CEP128: variants seen among roughly 807,000 people sequenced by gnomAD.
CEP128 encodes the protein centrosomal protein 128, also known as centrosomal protein 128kDa.
In CEP128, 132 loss-of-function variants were observed where a neutral mutation model predicts 156.7. That is an observed-to-expected ratio of 0.84 (90% confidence interval 0.73 to 0.97). CEP128 has a LOEUF of 0.97. Ranked by LOEUF, CEP128 falls within the 50% of genes least tolerant of loss-of-function variation. The probability of loss-of-function intolerance (pLI) is 0.00; values close to 1 mark genes in which losing one functional copy is unlikely to be tolerated. For missense variants in CEP128, 1,252 were observed against 1,281.9 expected, an observed-to-expected ratio of 0.98 and a Z score of 0.36; for synonymous variants, 469 against 448.9, an observed-to-expected ratio of 1.04 and a Z score of -0.57.
At chr14:80,796,114 G>C (rs1298449234) in intron 13 of CEP128, among the ~76,000 whole-genome samples, 2 of 151,986 alleles carry the variant, frequency 1.3e-5, no homozygotes, top group Non-Finnish European at 2.9e-5. Context: ...AGTTCACTTG[G>C]TTCACTACAT....
chr14:80,904,812 C>T lies in CEP128; in HGVS notation c.480+1G>A. The stretch of plus-strand genomic sequence containing the variant: ...ACAAATTACAGAATGGTACAAAGTA[C>T]CTGAGTCATATCATCAGTCTCTTGA... On this transcript the variant is annotated splice_donor_variant, in intron 6 of 24. Coordinates refer to ENST00000555265, the MANE Select transcript of CEP128 (RefSeq NM_152446.5). LOFTEE classifies it high-confidence loss of function. 6.8e-7 allele frequency: 1 copy of T among 1,475,534 alleles called. No individual in the cohort carries two copies. The highest frequency in any genetic ancestry group is 1.1e-5 in the South Asian group (1 of 88,288). 91.4% of individuals were successfully genotyped at this position (1,475,534 alleles called of 1,614,324 possible).
chr14:80,777,683 C>T (rs1322306839), intron 16 of CEP128, among the ~76,000 whole-genome samples, 199 bp downstream of exon 16: 1 of 152,050 alleles, frequency 6.6e-6, no homozygotes, highest in African/African-American at 2.4e-5. Context: ...AATTCTTACC[C>T]TTCAAATGTA....
rs1486625135 is a variant in CEP128 at position 80,785,117 on chromosome 14, C to T, written c.1989G>A (p.Lys663=). ...CCTGTGCAGTGAGGTCAGAAAGGTC[C>T]TTAAGCACTGCTTTCTTGGCTCTCT... ...EEERAKKAVL[K]DLSDLTAQAK... is the part of the protein sequence containing the mutation. Residue 663 remains lysine (K), a synonymous_variant, in exon 15 of 25, where the codon AAG becomes AAA. Transcript: ENST00000555265. The T allele has an allele frequency of 6.2e-7, 1 of 1,614,146 alleles. No individual in the cohort carries two copies. The highest frequency in any genetic ancestry group is 1.1e-5 in the South Asian group (1 of 91,082).
At chr14:80,794,457 G>C (rs1213571882) in intron 13 of CEP128, among the ~76,000 whole-genome samples, 1 of 152,146 alleles carries the variant, frequency 6.6e-6, no homozygotes, top group African/African-American at 2.4e-5. Flanking sequence ...CTGTGTACTT[G>C]TGTGTGTAGA....
chr14:80,724,914 CTATT>C (rs1897954901), intron 19 of CEP128, among the ~76,000 whole-genome samples: 1 of 148,644 alleles, frequency 6.7e-6, no homozygotes, highest in African/African-American at 2.5e-5. Flanking sequence ...AACTAAACAA[CTATT>C]TATTGGGCAC....
chr14:80,899,441 T>C (rs1276218072), intron 7 of CEP128, among the ~76,000 whole-genome samples: 1 of 152,194 alleles, frequency 6.6e-6, no homozygotes, highest in African/African-American at 2.4e-5. Context: ...ATAACAGCTA[T>C]TGGGGACTAT....
chr14:80,831,240 T>G lies in CEP128; in HGVS notation c.1112A>C (p.Gln371Pro), dbSNP rs185240818. The G allele has an allele frequency of 1.2e-5, 19 of 1,614,074 alleles. No individual in the cohort carries two copies. Among genetic ancestry groups the G allele is most frequent in the Middle Eastern group, 3.3e-4 (2 of 6,062 alleles). ...LEKQMSDLRV[Q>P]LNFSAMASEL... Reference sequence around the variant, plus strand: ...AGATGCCATTGCGCTGAAGTTCAGCTGCACTCTCAAATCTGACATTTGCTT... The same window carrying G: ...AGATGCCATTGCGCTGAAGTTCAGCGGCACTCTCAAATCTGACATTTGCTT... The change falls in exon 13 of 25, where the codon CAG becomes CCG. Residue 371 changes from glutamine (Q) to proline (P), a missense_variant. By Grantham distance (76) the Gln-to-Pro change is moderately conservative. Transcript: ENST00000555265.
At chr14:80,527,762 A>G (rs1447739651) in intron 22 of CEP128, among the ~76,000 whole-genome samples, 1 of 152,202 alleles carries the variant, frequency 6.6e-6, no homozygotes, top group East Asian at 1.9e-4. Context: ...CCTTTTAACT[A>G]TTATGTCGCA....
intron 8 of CEP128, among the ~76,000 whole-genome samples, chr14:80,866,913 G>C (rs549838102): frequency 6.6e-6 from 1 of 152,312 alleles, no homozygotes; most frequent in African/African-American, 2.4e-5. Context: ...CCCAGCAGAT[G>C]CCTGAAACCG....
At chr14:80,696,651 G>A (rs1166278904) in intron 19 of CEP128, among the ~76,000 whole-genome samples, 1 of 152,166 alleles carries the variant, frequency 6.6e-6, no homozygotes, top group Non-Finnish European at 1.5e-5. Flanking sequence ...GGACTGAAAA[G>A]TGACCTTTGT....
intron 4 of CEP128, among the ~76,000 whole-genome samples, chr14:80,907,657 CAAA>C (rs67715110): frequency 3.1e-5 from 2 of 64,620 alleles, no homozygotes; most frequent in Admixed American, 1.9e-4. Context: ...GACTCTGTTT[CAAA>C]AAAAAAAAAA....
At chr14:80,700,050 C>T (rs1393206402) in intron 19 of CEP128, among the ~76,000 whole-genome samples, 1 of 129,150 alleles carries the variant, frequency 7.7e-6, no homozygotes, top group South Asian at 2.4e-4. Context: ...ATACTGAAAC[C>T]TAAGTCCTCC....
chr14:80,549,047 C>T (rs1433319657), intron 21 of CEP128, among the ~76,000 whole-genome samples: 1 of 152,010 alleles, frequency 6.6e-6, no homozygotes, highest in Non-Finnish European at 1.5e-5. Flanking sequence ...GAAGCTTAAC[C>T]CTTTGAAGAT....
chr14:80,554,118 T>C (rs1343667034), intron 21 of CEP128, among the ~76,000 whole-genome samples: 1 of 152,194 alleles, frequency 6.6e-6, no homozygotes, highest in Non-Finnish European at 1.5e-5. Flanking sequence ...GGATGGCCTT[T>C]TCAAATTTTA....
chr14:80,643,110 C>T (rs1274726418), intron 19 of CEP128, among the ~76,000 whole-genome samples: 1 of 152,158 alleles, frequency 6.6e-6, no homozygotes, highest in African/African-American at 2.4e-5. Context: ...ACTTGTTATC[C>T]ACTATTATTT....
chr14:80,838,569 C>T (rs1405575594), intron 10 of CEP128, among the ~76,000 whole-genome samples: 2 of 152,114 alleles, frequency 1.3e-5, no homozygotes, highest in African/African-American at 4.8e-5. Flanking sequence ...TCCATTCTAT[C>T]ATCTCTAAAA....
intron 19 of CEP128, among the ~76,000 whole-genome samples, chr14:80,695,612 G>A (rs1896865639): frequency 6.6e-6 from 1 of 151,688 alleles, no homozygotes; most frequent in African/African-American, 2.4e-5. Context: ...AGCTACTCGG[G>A]AGGCTGAGGC....
chr14:80,911,895 C>T (rs7154373), intron 4 of CEP128, among the ~76,000 whole-genome samples: 104,581 of 152,078 alleles, frequency 0.69, 37,097 homozygotes, highest in African/African-American at 0.87. Flanking sequence ...GATGGAAATA[C>T]CTGTTGAATT....
intron 21 of CEP128, among the ~76,000 whole-genome samples, chr14:80,544,525 G>T (rs572396159): frequency 5.9e-5 from 9 of 152,160 alleles, no homozygotes; most frequent in Non-Finnish European, 1.0e-4. Context: ...ATTCCATCAT[G>T]CAGGCTCCAA....
Sources: allele counts gnomAD v4.1 joint callset (sites outside exome capture counted in the v4.1 genomes callset), GRCh38; gene constraint gnomAD v4.1.1; transcripts MANE v1.5; gene names NCBI Gene and HGNC (gene_info 2026-07-23, HGNC 2026-07-21).